RIMS2: variants seen among roughly 807,000 people sequenced by gnomAD.
RIMS2 encodes regulating synaptic membrane exocytosis protein 2.
Under a neutral mutation model 174.4 loss-of-function variants are expected in RIMS2, and 59 were observed. That is an observed-to-expected ratio of 0.34 (90% CI 0.27 to 0.42). RIMS2 has a LOEUF of 0.42. Ranked by LOEUF, RIMS2 falls within the 10% of genes least tolerant of loss-of-function variation. RIMS2 has a pLI of 1.00. For synonymous variants in RIMS2, 606 were observed against 572.5 expected (o/e 1.06, Z -0.84); for missense variants, 1,620 against 1,666.3 (o/e 0.97, Z 0.48).
chr8:103,853,073 G>A lies in RIMS2; in HGVS notation c.699-32225G>A, dbSNP rs544206192. Among the ~76,000 whole-genome samples, 3 of 151,394 alleles carry A rather than the reference G, an allele frequency of 2.0e-5. No individual in the cohort carries two copies. In the East Asian group the frequency reaches 5.8e-4, roughly 29 times the overall value. On this transcript the variant is annotated intron_variant, in intron 3 of 23. Transcript: ENST00000504942. ...CACAGTCTCACCAAAAAAATCTGGG[G>A]TTTTTTTTGTTTGTTTTTTTACTTT...
intron 3 of RIMS2, among the ~76,000 whole-genome samples, chr8:103,801,233 C>T (rs867872639): frequency 7.2e-5 from 11 of 152,258 alleles, no homozygotes; most frequent in African/African-American, 1.2e-4. Context: ...GCAATCCTCC[C>T]GCCTCCGCCT....
intron 1 of RIMS2, chr8:103,559,016 A>C (rs1217402922): frequency 7.2e-6 from 1 of 138,520 alleles, no homozygotes; most frequent in Non-Finnish European, 1.5e-5. Flanking sequence ...ATGGAAATGG[A>C]GAGTAAATAT....
intron 22 of RIMS2, 35 bp from the exon 29 acceptor site, chr8:104,250,989 T>A: frequency 4.4e-6 from 7 of 1,595,046 alleles, no homozygotes; most frequent in Non-Finnish European, 6.0e-6. Flanking sequence ...GTCCATAGTT[T>A]ATTGCTCATT....
intron 17 of RIMS2, among the ~76,000 whole-genome samples, chr8:104,005,117 T>C (rs2095526470): frequency 6.6e-6 from 1 of 152,218 alleles, no homozygotes; most frequent in Non-Finnish European, 1.5e-5. Flanking sequence ...CTGGGGTTCA[T>C]GATTGTTCAA....
Position 103,886,233 on chromosome 8 carries a change from C to G in RIMS2, c.1624+10C>G, listed in dbSNP as rs2099200053. The G allele has an allele frequency of 6.3e-7, 1 of 1,593,566 alleles. No individual in the cohort carries two copies. The highest frequency in any genetic ancestry group is 1.3e-5 in the African/African-American group (1 of 74,098). ...AGTGTAAGTGAAAAAGGTAAGCTTT[C>G]TAATCATACATTTTGCTGTAATTGA... On this transcript the variant is annotated intron_variant, in intron 4 of 23. Coordinates refer to ENST00000504942, the Ensembl canonical transcript of RIMS2.
At chr8:103,568,779 A>G in intron 1 of RIMS2, 1 of 1,126,694 alleles carries the variant, frequency 8.9e-7, no homozygotes. Flanking sequence ...CAAAACATGA[A>G]TGTCTTTTGC....
chr8:103,719,598 C>T (rs1024569964), intron 2 of RIMS2, among the ~76,000 whole-genome samples: 1 of 152,076 alleles, frequency 6.6e-6, no homozygotes, highest in African/African-American at 2.4e-5. Flanking sequence ...ACATGTTGGT[C>T]TTAGAGATTG....
chr8:103,772,822 A>G (rs1216264479), intron 3 of RIMS2, among the ~76,000 whole-genome samples: 3 of 152,160 alleles, frequency 2.0e-5, no homozygotes, highest in Non-Finnish European at 4.4e-5. Context: ...GTAATTTTTG[A>G]CAGAGAGGCA....
At chr8:103,925,892 A>G (rs141039840) in intron 10 of RIMS2, among the ~76,000 whole-genome samples, 29 of 151,670 alleles carry the variant, frequency 1.9e-4, no homozygotes, top group African/African-American at 6.7e-4. Flanking sequence ...TAAAATAGTC[A>G]GTTGTATGTT....
At chr8:103,822,813 C>T (rs2098760856) in intron 3 of RIMS2, among the ~76,000 whole-genome samples, 1 of 151,898 alleles carries the variant, frequency 6.6e-6, no homozygotes, top group Admixed American at 6.6e-5. Context: ...AACTCTCTCT[C>T]AAGTGAAATT....
At chr8:103,791,938 A>G (rs903330186) in intron 3 of RIMS2, among the ~76,000 whole-genome samples, 4 of 152,324 alleles carry the variant, frequency 2.6e-5, no homozygotes, top group African/African-American at 9.6e-5. Context: ...TTAGAGACCT[A>G]CAAAGAGACT....
intron 14 of RIMS2, among the ~76,000 whole-genome samples, chr8:103,954,590 C>CAGTGTGTAGAGGG (rs1565506442): frequency 6.6e-6 from 1 of 152,124 alleles, no homozygotes; most frequent in African/African-American, 2.4e-5. Context: ...ATTTCTGAGA[C>CAGTGTGTAGAGGG]ACATTTAAAG....
chr8:104,213,688 C>T (rs1228714346), intron 19 of RIMS2, among the ~76,000 whole-genome samples: 1 of 152,042 alleles, frequency 6.6e-6, no homozygotes, highest in African/African-American at 2.4e-5. Flanking sequence ...TTCATCCTGA[C>T]CAACACAGTG....
intron 12 of RIMS2, among the ~76,000 whole-genome samples, chr8:103,932,200 A>C (rs1343734323): frequency 6.6e-6 from 1 of 152,142 alleles, no homozygotes; most frequent in Non-Finnish European, 1.5e-5. Context: ...ATTTTTTCTC[A>C]GGTTGAAAGT....
intron 3 of RIMS2, among the ~76,000 whole-genome samples, chr8:103,788,652 G>T (rs2154440970): frequency 6.6e-6 from 1 of 152,034 alleles, no homozygotes; most frequent in East Asian, 1.9e-4. Context: ...CTGCGTGCTG[G>T]GAGAACCACT....
intron 2 of RIMS2, among the ~76,000 whole-genome samples, chr8:103,701,433 C>T (rs2097166168): frequency 6.6e-6 from 1 of 152,088 alleles, no homozygotes; most frequent in African/African-American, 2.4e-5. Context: ...TTGGGAACAT[C>T]CCAAATCTTT....
chr8:103,933,376 C>T (rs2080463070), intron 12 of RIMS2, among the ~76,000 whole-genome samples: 3 of 151,560 alleles, frequency 2.0e-5, no homozygotes, highest in Admixed American at 2.0e-4. Context: ...ATCCCAGCTA[C>T]TCGGGAGGCT....
Position 104,235,242 on chromosome 8 carries a change from G to A in RIMS2, c.3335-9674G>A, listed in dbSNP as rs74797816. On this transcript the variant is annotated intron_variant, in intron 19 of 23. Coordinates refer to ENST00000504942, the Ensembl canonical transcript of RIMS2. Reference sequence around the variant, plus strand: ...CAAGTCACTGATTATTCTGGAATTAGAAATTTGTGTCCAAAATACTAAGTG... The same window carrying A: ...CAAGTCACTGATTATTCTGGAATTAAAAATTTGTGTCCAAAATACTAAGTG... Among the ~76,000 whole-genome samples the A allele has an allele frequency of 1.4e-4, 21 of 152,266 alleles. No homozygotes were observed. In the East Asian group the frequency reaches 2.5e-3, roughly 18 times the overall value.
At chr8:103,768,165 A>G (rs887438302) in intron 3 of RIMS2, 1 of 349,784 alleles carries the variant, frequency 2.9e-6, no homozygotes, top group African/African-American at 2.1e-5. Context: ...AGGTATATGA[A>G]AAAAATAGAT....
Sources: gnomAD v4.1 joint callset for allele counts (sites outside exome capture counted in the v4.1 genomes callset) on GRCh38, gnomAD v4.1.1 for gene constraint, MANE v1.5 for transcripts, NCBI Gene and HGNC (gene_info 2026-07-23, HGNC 2026-07-21) for gene names.